The following TLN2 variants were observed in gnomAD, a reference collection of about 807,000 sequenced individuals.
The protein encoded by TLN2 is talin 2, also known as talin-2.
Under a neutral mutation model 294.7 loss-of-function variants are expected in TLN2, and 118 were observed. That is an observed-to-expected ratio of 0.40 (90% confidence interval 0.34 to 0.47). The LOEUF (loss-of-function observed/expected upper bound fraction) is 0.47, where lower values mean the gene tolerates loss of function less well. Ranked by LOEUF, TLN2 falls within the 20% of genes least tolerant of loss-of-function variation. TLN2 has a pLI of 0.84. For missense variants in TLN2, 3,083 were observed against 3,282.2 expected, an observed-to-expected ratio of 0.94 and a Z score of 1.48; for synonymous variants, 1,431 against 1,304.5, an observed-to-expected ratio of 1.10 and a Z score of -2.09.
intron 1 of TLN2, among the ~76,000 whole-genome samples, chr15:62,394,227 A>ATG (rs1025285755): frequency 3.3e-5 from 5 of 152,080 alleles, no homozygotes; most frequent in Admixed American, 6.6e-5. Flanking sequence ...TGGTGTTGTG[A>ATG]TGTGTGTGTG....
intron 1 of TLN2, among the ~76,000 whole-genome samples, chr15:62,587,915 C>T (rs2045746697): frequency 6.6e-6 from 1 of 152,112 alleles, no homozygotes; most frequent in Non-Finnish European, 1.5e-5. Flanking sequence ...GAGTCTCACT[C>T]TGCAGTCCAG....
At chr15:62,718,326 C>T (rs1296818113) in intron 24 of TLN2, among the ~76,000 whole-genome samples, 1 of 152,214 alleles carries the variant, frequency 6.6e-6, no homozygotes, top group Non-Finnish European at 1.5e-5. Flanking sequence ...AGCCACTGCC[C>T]ACATGTGGGT....
intron 16 of TLN2, among the ~76,000 whole-genome samples, chr15:62,700,674 A>G (rs1442672042): frequency 1.3e-5 from 2 of 152,216 alleles, no homozygotes; most frequent in East Asian, 1.9e-4. Flanking sequence ...ACATTGACAG[A>G]GAACATGTCT....
At chr15:62,776,682 A>G (rs1418819985) in intron 42 of TLN2, 82 bp from the exon 43 acceptor site, 45 of 1,269,384 alleles carry the variant, frequency 3.5e-5, no homozygotes, top group Non-Finnish European at 6.1e-6. Flanking sequence ...ATGGTTTTAT[A>G]TTCTACTTTT....
chr15:62,427,940 G>C, intron 1 of TLN2, among the ~76,000 whole-genome samples: 1 of 152,182 alleles, frequency 6.6e-6, no homozygotes, highest in East Asian at 1.9e-4. Context: ...CTTCTTTGTA[G>C]AGGGACTTAT....
At chr15:62,714,417 T>C (rs935993177) in intron 22 of TLN2, among the ~76,000 whole-genome samples, 2 of 151,964 alleles carry the variant, frequency 1.3e-5, no homozygotes, top group Non-Finnish European at 2.9e-5. Flanking sequence ...TTAGCCAGGA[T>C]GGTCTCGATC....
At chr15:62,620,029 G>T (rs1242204918) in intron 3 of TLN2, among the ~76,000 whole-genome samples, 1 of 152,128 alleles carries the variant, frequency 6.6e-6, no homozygotes, top group Non-Finnish European at 1.5e-5. Context: ...AGGCTAGAAT[G>T]CAGTGGCCTG....
rs1878781 is a variant in TLN2 at position 62,801,042 on chromosome 15, C to G, written c.6477+273C>G. Among the ~76,000 whole-genome samples, 735 of 152,298 alleles carry G rather than the reference C, an allele frequency of 4.8e-3. 3 individuals are homozygous for G. The highest frequency in any genetic ancestry group is 8.0e-3 in the Non-Finnish European group (543 of 68,016). On this transcript the variant is annotated intron_variant, in intron 50 of 58. Transcript: ENST00000636159. The stretch of plus-strand genomic sequence containing the variant: ...TTCCACTAAAATTATAGCACGAGAT[C>G]AAAGCATTGTCAAAGATTCCTGGAA...
At chr15:62,836,680 T>C (rs1596208130) in intron 57 of TLN2, among the ~76,000 whole-genome samples, 2 of 136,526 alleles carry the variant, frequency 1.5e-5, no homozygotes, top group East Asian at 2.2e-4. Flanking sequence ...TCAGAGCAGA[T>C]ACATTTTCCT....
intron 19 of TLN2, among the ~76,000 whole-genome samples, chr15:62,703,623 G>GCA (rs1361271996): frequency 4.6e-4 from 28 of 60,482 alleles, no homozygotes; most frequent in Non-Finnish European, 7.2e-4. Context: ...ACACACACAC[G>GCA]CGCGCACACA....
At chr15:62,762,776 T>A (rs954667551) in intron 39 of TLN2, among the ~76,000 whole-genome samples, 2 of 152,208 alleles carry the variant, frequency 1.3e-5, no homozygotes, top group African/African-American at 4.8e-5. Context: ...AAGGTCACCT[T>A]AAGGCCCAAT....
intron 28 of TLN2, among the ~76,000 whole-genome samples, chr15:62,732,238 A>G (rs1471689776): frequency 6.6e-6 from 1 of 152,218 alleles, no homozygotes; most frequent in Non-Finnish European, 1.5e-5. Flanking sequence ...AGAAAAGACT[A>G]CTTTACATGT....
intron 3 of TLN2, among the ~76,000 whole-genome samples, chr15:62,639,706 C>T (rs915897745): frequency 1.3e-5 from 2 of 152,184 alleles, no homozygotes; most frequent in Non-Finnish European, 2.9e-5. Context: ...GCATGGAGCG[C>T]TCTCAAGTGT....
intron 8 of TLN2, 78 bp downstream of exon 8, chr15:62,656,164 GGGCGGCGCT>G (rs2140956111): frequency 6.4e-7 from 1 of 1,559,258 alleles, no homozygotes; most frequent in African/African-American, 1.4e-5. Context: ...GCGAGCAGGA[GGGCGGCGCT>G]GGCTTCTGCC....
chr15:62,685,196 T>C (rs2057175167), intron 11 of TLN2, among the ~76,000 whole-genome samples: 1 of 152,170 alleles, frequency 6.6e-6, no homozygotes, highest in South Asian at 2.1e-4. Flanking sequence ...GATTAGGCCC[T>C]ATATTCTGTT....
At chr15:62,724,128 A>G (rs932995168) in intron 26 of TLN2, among the ~76,000 whole-genome samples, 1 of 152,192 alleles carries the variant, frequency 6.6e-6, no homozygotes, top group African/African-American at 2.4e-5. Context: ...AACCTGGGCA[A>G]CAGAGTGAGA....
intron 1 of TLN2, among the ~76,000 whole-genome samples, chr15:62,567,696 G>A (rs936610230): frequency 8.5e-5 from 13 of 152,318 alleles, no homozygotes; most frequent in South Asian, 6.2e-4. Flanking sequence ...TTACCCGGGC[G>A]TGATGGCGCG....
intron 1 of TLN2, among the ~76,000 whole-genome samples, chr15:62,500,771 A>T (rs2039263135): frequency 1.3e-5 from 2 of 152,330 alleles, no homozygotes; most frequent in East Asian, 3.9e-4. Context: ...TGGGAAAGGA[A>T]TTTTTGCCTC....
chr15:62,596,666 A>T (rs991574482), intron 2 of TLN2, among the ~76,000 whole-genome samples: 2 of 151,886 alleles, frequency 1.3e-5, no homozygotes, highest in African/African-American at 4.8e-5. Context: ...TGAACTTGGG[A>T]GGTAGAGGTT....
Sources: gnomAD v4.1 joint callset for allele counts (sites outside exome capture counted in the v4.1 genomes callset) on GRCh38, gnomAD v4.1.1 for gene constraint, MANE v1.5 for transcripts, NCBI Gene and HGNC (gene_info 2026-07-23, HGNC 2026-07-21) for gene names.